KIF21B: variants seen among roughly 807,000 people sequenced by gnomAD.
The protein encoded by KIF21B is kinesin-like protein KIF21B.
KIF21B carries 85 observed loss-of-function variants against 192.9 expected under a neutral mutation model. That is an observed-to-expected ratio of 0.44 (90% CI 0.37 to 0.53). The LOEUF is 0.53. Among genes scored for constraint, KIF21B ranks in the 20% least tolerant of loss-of-function variants. The pLI, the probability that KIF21B is intolerant of heterozygous loss-of-function variation, is 0.00. For synonymous variants in KIF21B, 832 were observed against 884.6 expected (o/e 0.94, Z 1.05); for missense variants, 1,716 against 2,194.8 (o/e 0.78, Z 4.36).
At chr1:200,988,212 G>T in intron 24 of KIF21B, 84 bp downstream of exon 24, 1 of 1,301,110 alleles carries the variant, frequency 7.7e-7, no homozygotes, top group Non-Finnish European at 1.1e-6. Context: ...GGCTGAGGGT[G>T]GAGCAGAGCC....
Position 200,969,441 on chromosome 1 carries a change from T to C in KIF21B, c.*4080A>G, listed in dbSNP as rs1655113452. 6.5e-6 allele frequency: 1 copy of C among 152,784 alleles called. No individual in the cohort carries two copies. The highest frequency in any genetic ancestry group is 1.5e-5 in the Non-Finnish European group (1 of 68,074). The allele number at this position is 152,784 out of a possible 1,614,324, so 9.5% of individuals were successfully genotyped here. ...AACTTCTTAGAACACACACATCCAA[T>C]CTAGGAACAGAAATGTACAACATGG... On this transcript the variant is annotated 3_prime_UTR_variant, in exon 35 of 35. Transcript: ENST00000461742.
intron 1 of KIF21B, among the ~76,000 whole-genome samples, chr1:201,019,066 C>G (rs553495799): frequency 6.6e-6 from 1 of 152,286 alleles, no homozygotes; most frequent in East Asian, 1.9e-4. Flanking sequence ...TCCTGAGTAG[C>G]TGGGACTACA....
intron 1 of KIF21B, among the ~76,000 whole-genome samples, chr1:201,021,029 G>A (rs1300963372): frequency 6.6e-6 from 1 of 152,196 alleles, no homozygotes; most frequent in Admixed American, 6.5e-5. Flanking sequence ...CTAGGCCCTG[G>A]ACAAGCCTTG....
Position 200,975,565 on chromosome 1 carries a change from G to A in KIF21B, c.4548C>T (p.Ile1516=), listed in dbSNP as rs761681977. Reference sequence around the variant, plus strand: ...CGTTATCTCGGGAGCCACTGAACAGGATGTCTCCCTGGATGGCGAGACACT... The same window carrying A: ...CGTTATCTCGGGAGCCACTGAACAGAATGTCTCCCTGGATGGCGAGACACT... ...GIECLAIQGD[I]LFSGSRDNGI... The change falls in exon 33 of 35, where the codon ATC becomes ATT. Residue 1516 remains isoleucine (I), a synonymous_variant. Transcript: ENST00000461742. The surrounding 1 kb of genome is among the most constrained non-coding windows in gnomAD (Gnocchi z 4.3). 2 of 1,613,872 alleles carry A rather than the reference G, an allele frequency of 1.2e-6. No homozygotes were observed. Among genetic ancestry groups the A allele is most frequent in the East Asian group, 2.2e-5 (1 of 44,890 alleles).
At chr1:201,005,267 C>T in intron 5 of KIF21B, 41 bp downstream of exon 5, 1 of 1,534,550 alleles carries the variant, frequency 6.5e-7, no homozygotes, top group South Asian at 1.3e-5. Context: ...CGGGATACCC[C>T]TGCAGCAAGC....
Position 200,975,054 on chromosome 1 carries a change from TC to T in KIF21B, c.4615-142del. The T allele has an allele frequency of 2.5e-6, 2 of 800,802 alleles. No individual in the cohort carries two copies. The highest frequency in any genetic ancestry group is 2.6e-5 in the East Asian group (1 of 38,108). The allele number at this position is 800,802 out of a possible 1,614,324, so 49.6% of individuals were successfully genotyped here. A position where few individuals can be genotyped will look rare whatever the true frequency, so the allele number is the denominator to read the frequency against. ...TGCCACACGGGCGGGTGACACTGGTTCCAGGAGCCATGCTGGGGTGGCCTGT... is the reference window on the plus strand; with the variant it reads ...TGCCACACGGGCGGGTGACACTGGTTCAGGAGCCATGCTGGGGTGGCCTGT... On this transcript the variant is annotated intron_variant, in intron 33 of 34. Coordinates refer to ENST00000461742, the MANE Select transcript of KIF21B (RefSeq NM_001252102.2). This position sits in a 1 kb window ranked among gnomAD's most constrained non-coding sequence, Gnocchi z 4.3.
intron 1 of KIF21B, among the ~76,000 whole-genome samples, chr1:201,012,381 G>A (rs1049877901): frequency 2.0e-5 from 3 of 152,174 alleles, no homozygotes; most frequent in African/African-American, 7.2e-5. Flanking sequence ...AATGGAAATG[G>A]AAGCAAAGGA....
chr1:201,003,550 A>C (rs750580753), intron 8 of KIF21B, 36 bp downstream of exon 8: 8 of 1,607,610 alleles, frequency 5.0e-6, no homozygotes, highest in Non-Finnish European at 6.8e-6. Flanking sequence ...ACTAGCTCCA[A>C]GGGGAGTGCT....
In KIF21B at chr1:200,998,021, T is replaced by C. The variant is rs1415619514; in HGVS notation, c.2077+363A>G. 1.3e-5 allele frequency among the ~76,000 whole-genome samples: 2 copies of C among 152,174 alleles called. No homozygotes were observed. The highest frequency in any genetic ancestry group is 2.9e-5 in the Non-Finnish European group (2 of 68,038). The stretch of plus-strand genomic sequence containing the variant: ...TGAATAAAAAATGGAATGAATGGGC[T>C]GAAGAGCAGCATAATGAAGATAGAA... On this transcript the variant is annotated intron_variant, in intron 14 of 34. Transcript: ENST00000461742. The surrounding 1 kb of genome is among the most constrained non-coding windows in gnomAD (Gnocchi z 4.3).
chr1:201,001,768 C>G (rs764266547), intron 9 of KIF21B: 8 of 200,556 alleles, frequency 4.0e-5, no homozygotes, highest in Non-Finnish European at 7.3e-5. Flanking sequence ...AAAAAGTAGT[C>G]TATATCATAC....
rs915818623 is a variant in KIF21B at position 200,991,235 on chromosome 1, C to G, written c.2455-86G>C. On this transcript the variant is annotated intron_variant, in intron 17 of 34. Transcript: ENST00000461742. Reference sequence around the variant, plus strand: ...GGGCCCAGGTTGGGGTGCCGGGCAGCAGGAACACAGAGGCTGCTCTGTGCT... The same window carrying G: ...GGGCCCAGGTTGGGGTGCCGGGCAGGAGGAACACAGAGGCTGCTCTGTGCT... 15 of 1,058,434 alleles carry G rather than the reference C, an allele frequency of 1.4e-5. No individual in the cohort carries two copies. The African/African-American group carries it at 1.7e-4, about 12-fold the overall frequency. The allele number at this position is 1,058,434 out of a possible 1,614,324, so 65.6% of individuals were successfully genotyped here. A position where few individuals can be genotyped will look rare whatever the true frequency, so the allele number is the denominator to read the frequency against.
In KIF21B at chr1:200,973,468, G is replaced by A. The variant is rs926097230; in HGVS notation, c.*53C>T. ...GGCCGGGTCACAGCTTCCCTTCCAT[G>A]GTGTCCAGGCTGCTGGGGTCGAGGG... On this transcript the variant is annotated 3_prime_UTR_variant, in exon 35 of 35. Coordinates refer to ENST00000461742, the MANE Select transcript of KIF21B (RefSeq NM_001252102.2). 4 of 1,397,132 alleles carry A rather than the reference G, an allele frequency of 2.9e-6. No individual in the cohort carries two copies. In the African/African-American group the frequency reaches 6.1e-5, roughly 21 times the overall value. The allele number at this position is 1,397,132 out of a possible 1,614,324, so 86.5% of individuals were successfully genotyped here.
rs970869456 is a variant in KIF21B at position 201,006,475 on chromosome 1, G to C, written c.448-781C>G. 3.3e-5 allele frequency among the ~76,000 whole-genome samples: 5 copies of C among 152,288 alleles called. No homozygotes were observed. The South Asian group carries it at 1.0e-3, about 32-fold the overall frequency. ...GCCAAGAAAATGCTGTGGGACTAAGGGGGAGACTGCAGCCCTCTGACATCT... is the reference window on the plus strand; with the variant it reads ...GCCAAGAAAATGCTGTGGGACTAAGCGGGAGACTGCAGCCCTCTGACATCT... On this transcript the variant is annotated intron_variant, in intron 3 of 34. Coordinates refer to ENST00000461742, the MANE Select transcript of KIF21B (RefSeq NM_001252102.2).
intron 9 of KIF21B, 36 bp downstream of exon 9, chr1:201,002,122 CGTT>C: frequency 5.0e-6 from 8 of 1,593,652 alleles, no homozygotes; most frequent in Non-Finnish European, 6.9e-6. Context: ...AGTCCTAGCC[CGTT>C]GGTGCTCTGA....
intron 26 of KIF21B, 143 bp downstream of exon 26, chr1:200,986,701 G>A: frequency 1.4e-6 from 1 of 704,940 alleles, no homozygotes; most frequent in South Asian, 1.8e-5. Flanking sequence ...AGGGACCACT[G>A]GGTGAACCTG....
chr1:200,999,738 G>A lies in KIF21B; in HGVS notation c.1767+145C>T. ...TGGAGATCACCATGGTAACCAGTCA[G>A]AGATATAAGGAAGTACAAGGATCAA... On this transcript the variant is annotated intron_variant, in intron 12 of 34. Transcript: ENST00000461742. This position sits in a 1 kb window ranked among gnomAD's most constrained non-coding sequence, Gnocchi z 4.7. 2 of 898,288 alleles carry A rather than the reference G, an allele frequency of 2.2e-6. No homozygotes were observed. The highest frequency in any genetic ancestry group is 3.6e-6 in the Non-Finnish European group (2 of 561,188). 55.6% of individuals were successfully genotyped at this position (898,288 alleles called of 1,614,324 possible).
intron 15 of KIF21B, among the ~76,000 whole-genome samples, chr1:200,992,620 GTGCAGGTGCCCCACTC>G (rs1656779398): frequency 6.6e-6 from 1 of 152,254 alleles, no homozygotes. Context: ...CAGCCCAGCA[GTGCAGGTGCCCCACTC>G]TGCAGGGCCC....
chr1:200,996,647 C>T (rs145255265), intron 14 of KIF21B, among the ~76,000 whole-genome samples: 1 of 152,134 alleles, frequency 6.6e-6, no homozygotes, highest in Non-Finnish European at 1.5e-5. Context: ...TCTCTGAACC[C>T]CTGGTCCCCA....
In KIF21B at chr1:200,999,989, G is replaced by T. The variant is rs1428303608; in HGVS notation, c.1686-25C>A. On this transcript the variant is annotated intron_variant, in intron 11 of 34. Transcript: ENST00000461742. The surrounding 1 kb of genome is among the most constrained non-coding windows in gnomAD (Gnocchi z 4.7). ...GCTGCTCAGGGAGGACAGGGAAGCT[G>T]GATTAGGAAGGCTGCCCCTGCCCTG... The T allele has an allele frequency of 1.2e-6, 2 of 1,606,422 alleles. No individual in the cohort carries two copies. The highest frequency in any genetic ancestry group is 1.7e-6 in the Non-Finnish European group (2 of 1,173,970).
Sources: gnomAD v4.1 joint callset for allele counts (sites outside exome capture counted in the v4.1 genomes callset) on GRCh38, gnomAD v4.1.1 for gene constraint, Gnocchi (gnomAD v3.1) non-coding constraint, MANE v1.5 for transcripts, NCBI Gene and HGNC (gene_info 2026-07-23, HGNC 2026-07-21) for gene names.